Variants in MELK observed in about 807,000 individuals in gnomAD.
MELK encodes the protein pEg3 kinase.
A neutral mutation model predicts 85.0 loss-of-function variants in MELK; 81 were observed. The ratio of observed to expected loss-of-function variants is 0.95; its 90% CI spans 0.80 to 1.15. The LOEUF is 1.15. Ranked by LOEUF, MELK falls within the 50% of genes most tolerant of loss-of-function variation. The pLI, the probability that MELK is intolerant of heterozygous loss-of-function variation, is 0.00. For synonymous variants in MELK, 252 were observed against 265.0 expected (o/e 0.95, Z 0.48); for missense variants, 754 against 777.5 (o/e 0.97, Z 0.36).
chr9:36,599,935 G>A (rs1009762686), intron 7 of MELK, among the ~76,000 whole-genome samples: 1 of 152,096 alleles, frequency 6.6e-6, no homozygotes, highest in Admixed American at 6.6e-5. Flanking sequence ...TATATTTGCT[G>A]TATCTCAAAT....
rs372472744 is a variant in MELK at position 36,579,368 on chromosome 9, T to A, written c.-38-2276T>A. Among the ~76,000 whole-genome samples, 29 of 152,354 alleles carry A rather than the reference T, an allele frequency of 1.9e-4. No homozygotes were observed. In the South Asian group the frequency reaches 6.0e-3, roughly 32 times the overall value. On this transcript the variant is annotated intron_variant, in intron 1 of 17. Coordinates refer to ENST00000298048, the MANE Select transcript of MELK (RefSeq NM_014791.4). ...TAGTAGAGACCGGGTTTTACTATGT[T>A]GGCCAGGCTGGTCCCGAACTCCTGA...
At chr9:36,607,733 C>A in intron 8 of MELK, 60 bp downstream of exon 8, 1 of 1,120,400 alleles carries the variant, frequency 8.9e-7, no homozygotes, top group South Asian at 1.3e-5. Context: ...ATAGTATATG[C>A]TTTCATTCAT....
intron 1 of MELK, among the ~76,000 whole-genome samples, chr9:36,574,126 C>T (rs938297766): frequency 6.6e-6 from 1 of 152,092 alleles, no homozygotes; most frequent in African/African-American, 2.4e-5. Context: ...CTTACTGGGC[C>T]TTCGTGGGCT....
intron 4 of MELK, among the ~76,000 whole-genome samples, chr9:36,591,462 T>C (rs961258725): frequency 6.6e-6 from 1 of 152,102 alleles, no homozygotes; most frequent in Admixed American, 6.6e-5. Context: ...TAGTCCCAGC[T>C]ACCTGGGAGG....
chr9:36,589,711 GA>G, intron 4 of MELK, 59 bp downstream of exon 4: 1 of 1,230,652 alleles, frequency 8.1e-7, no homozygotes, highest in East Asian at 2.3e-5. Flanking sequence ...TAGTAAAAGA[GA>G]AAAGTACATT....
chr9:36,657,745 T>G (rs1440305094), intron 13 of MELK, among the ~76,000 whole-genome samples: 1 of 152,142 alleles, frequency 6.6e-6, no homozygotes, highest in Non-Finnish European at 1.5e-5. Context: ...CTGCCTCTCC[T>G]GGCTAATTTT....
Position 36,677,109 on chromosome 9 carries a change from A to G in MELK, c.1779-51A>G, listed in dbSNP as rs115472934. The G allele has an allele frequency of 1.6e-4, 249 of 1,525,186 alleles. 1 individual carries two copies. In the African/African-American group the frequency reaches 3.2e-3, roughly 20 times the overall value. The allele number at this position is 1,525,186 out of a possible 1,614,324, so 94.5% of individuals were successfully genotyped here. A position where few individuals can be genotyped will look rare whatever the true frequency, so the allele number is the denominator to read the frequency against. On this transcript the variant is annotated intron_variant, in intron 17 of 17. Transcript: ENST00000298048. Reference sequence around the variant, plus strand: ...CCTCCTAGAGGCTTAGAAAACTCTTATACAGAATATGGTTCTCCTACTAAC... The same window carrying G: ...CCTCCTAGAGGCTTAGAAAACTCTTGTACAGAATATGGTTCTCCTACTAAC...
intron 10 of MELK, among the ~76,000 whole-genome samples, chr9:36,640,118 T>C (rs1829625441): frequency 6.6e-6 from 1 of 152,112 alleles, no homozygotes; most frequent in African/African-American, 2.4e-5. Flanking sequence ...ACCCATGAGG[T>C]TGTGCTTATA....
chr9:36,592,209 C>G (rs553824625), intron 4 of MELK, among the ~76,000 whole-genome samples: 1 of 145,328 alleles, frequency 6.9e-6, no homozygotes, highest in South Asian at 2.2e-4. Context: ...GAGTCTCACA[C>G]TGTCTTGAGT....
chr9:36,643,035 T>G lies in MELK; in HGVS notation c.873T>G (p.Ser291=), dbSNP rs1290880779. Reference sequence around the variant, plus strand: ...ATGATGATTGCGTAACAGAACTTTCTGTACATCACAGAAACAACAGGCAAA... The same window carrying G: ...ATGATGATTGCGTAACAGAACTTTCGGTACATCACAGAAACAACAGGCAAA... ...HLDDDCVTEL[S]VHHRNNRQTM... Residue 291 remains serine (S), a synonymous_variant, in exon 11 of 18, where the codon TCT becomes TCG. Coordinates refer to ENST00000298048, the MANE Select transcript of MELK (RefSeq NM_014791.4). The G allele has an allele frequency of 5.6e-6, 9 of 1,613,038 alleles. No individual in the cohort carries two copies. The highest frequency in any genetic ancestry group is 7.6e-6 in the Non-Finnish European group (9 of 1,179,702).
intron 1 of MELK, among the ~76,000 whole-genome samples, chr9:36,579,463 A>G (rs1428047801): frequency 2.0e-5 from 3 of 152,250 alleles, no homozygotes; most frequent in South Asian, 4.1e-4. Context: ...CACCCGGCCT[A>G]TAAATTATAA....
At chr9:36,641,361 G>T (rs13283041) in intron 10 of MELK, among the ~76,000 whole-genome samples, 21,536 of 152,090 alleles carry the variant, frequency 0.14, 1,742 homozygotes, top group Middle Eastern at 0.17. Context: ...ACTCAGAGGT[G>T]TGGTCATGTT....
At chr9:36,609,281 G>A (rs1214872878) in intron 8 of MELK, among the ~76,000 whole-genome samples, 1 of 151,994 alleles carries the variant, frequency 6.6e-6, no homozygotes, top group East Asian at 1.9e-4. Flanking sequence ...ATTATGTTCA[G>A]TTAAAAAATC....
At chr9:36,644,158 T>C (rs1013525540) in intron 11 of MELK, among the ~76,000 whole-genome samples, 2 of 152,006 alleles carry the variant, frequency 1.3e-5, no homozygotes, top group Admixed American at 6.6e-5. Context: ...TTTCTGGTGT[T>C]GGATTATTTT....
chr9:36,625,948 T>C (rs1366695590), intron 8 of MELK, among the ~76,000 whole-genome samples: 1 of 151,730 alleles, frequency 6.6e-6, no homozygotes, highest in African/African-American at 2.4e-5. Context: ...GAATTGTTTA[T>C]GATATAATTA....
Position 36,615,570 on chromosome 9 carries a change from T to TG in MELK, c.666+7900dup, listed in dbSNP as rs1393756512. ...CTCACTTCCCAGATGGGGTGGCTGCTGGGCGGAGAGGCTCCTCACTTCTCA... is the reference window on the plus strand; with the variant it reads ...CTCACTTCCCAGATGGGGTGGCTGCTGGGGCGGAGAGGCTCCTCACTTCTCA... On this transcript the variant is annotated intron_variant, in intron 8 of 17. Coordinates refer to ENST00000298048, the MANE Select transcript of MELK (RefSeq NM_014791.4). Among the ~76,000 whole-genome samples the TG allele has an allele frequency of 3.2e-5, 4 of 123,540 alleles. 1 individual carries two copies. The allele number at this position is 123,540 out of a possible 152,430, so 81.0% of individuals were successfully genotyped here.
chr9:36,592,749 C>A (rs1172405413), intron 4 of MELK, among the ~76,000 whole-genome samples: 2 of 152,048 alleles, frequency 1.3e-5, no homozygotes, highest in Non-Finnish European at 2.9e-5. Flanking sequence ...ATGAAGTAGG[C>A]TGTTTTCTTT....
At chr9:36,604,019 G>A (rs1231322272) in intron 7 of MELK, among the ~76,000 whole-genome samples, 5 of 151,974 alleles carry the variant, frequency 3.3e-5, no homozygotes, top group African/African-American at 1.2e-4. Context: ...GCCCAGGCTG[G>A]AGTGCAATGG....
intron 2 of MELK, among the ~76,000 whole-genome samples, chr9:36,583,204 AC>A (rs1024330253): frequency 3.3e-5 from 5 of 151,906 alleles, no homozygotes; most frequent in Admixed American, 6.6e-5. Context: ...CGATCTCCTG[AC>A]CTTGTGATCC....
Sources: gnomAD v4.1 joint callset for allele counts (sites outside exome capture counted in the v4.1 genomes callset) on GRCh38, gnomAD v4.1.1 for gene constraint, MANE v1.5 for transcripts, NCBI Gene and HGNC (gene_info 2026-07-23, HGNC 2026-07-21) for gene names.